The following ZBTB8OS variants were observed in gnomAD, a reference collection of about 807,000 sequenced individuals.
ZBTB8OS encodes tRNA-splicing ligase-activating factor archease.
Under a neutral mutation model 29.3 loss-of-function variants are expected in ZBTB8OS, and 16 were observed. The observed-to-expected ratio is 0.55, with a 90% confidence interval of 0.37 to 0.83. ZBTB8OS has a LOEUF of 0.83. Among genes scored for constraint, ZBTB8OS ranks in the 40% least tolerant of loss-of-function variants. The pLI is 0.00. For synonymous variants in ZBTB8OS, 70 were observed against 64.6 expected, an observed-to-expected ratio of 1.08 and a Z score of -0.40; for missense variants, 160 against 196.9, an observed-to-expected ratio of 0.81 and a Z score of 1.12.
At chr1:32,629,749 CTTT>C (rs869185319) in intron 5 of ZBTB8OS, among the ~76,000 whole-genome samples, 9,378 of 113,794 alleles carry the variant, frequency 0.082, 651 homozygotes, top group African/African-American at 0.29. Flanking sequence ...ATGCTTGTTT[CTTT>C]TTTTTTTTTT....
chr1:32,648,986 T>TTTA (rs1647068067), intron 1 of ZBTB8OS, among the ~76,000 whole-genome samples: 1 of 81,448 alleles, frequency 1.2e-5, no homozygotes, highest in Admixed American at 1.3e-4. Flanking sequence ...TTTTTTTTTT[T>TTTA]GAGACAGTCT....
Position 32,633,635 on chromosome 1 carries a change from C to A in ZBTB8OS, c.327+10G>T. ...CATTTGCTCAGTAAAAAAGAAAAACCTTTGCTTACCCGGGGTATGAAGAAT... is the reference window on the plus strand; with the variant it reads ...CATTTGCTCAGTAAAAAAGAAAAACATTTGCTTACCCGGGGTATGAAGAAT... On this transcript the variant is annotated intron_variant, in intron 4 of 6. Coordinates refer to ENST00000468695, the MANE Select transcript of ZBTB8OS (RefSeq NM_178547.5). 2 of 1,584,546 alleles carry A rather than the reference C, an allele frequency of 1.3e-6. No individual in the cohort carries two copies. The highest frequency in any genetic ancestry group is 2.7e-5 in the African/African-American group (2 of 73,086).
intron 6 of ZBTB8OS, among the ~76,000 whole-genome samples, chr1:32,622,230 T>G (rs955035555): frequency 6.6e-6 from 1 of 152,162 alleles, no homozygotes; most frequent in Non-Finnish European, 1.5e-5. Flanking sequence ...CATCAGTTTT[T>G]CATTTATAAA....
At chr1:32,641,729 T>C (rs1331906090) in intron 1 of ZBTB8OS, among the ~76,000 whole-genome samples, 4 of 148,012 alleles carry the variant, frequency 2.7e-5, no homozygotes, top group Admixed American at 6.7e-5. Flanking sequence ...CTGGCTAACA[T>C]GGTGAAACCC....
In ZBTB8OS at chr1:32,650,257, C is replaced by T. The variant is rs570165148; in HGVS notation, c.97+176G>A. The stretch of plus-strand genomic sequence containing the variant: ...GTTTCGCGACTATTAAACCAGGTGG[C>T]TTTTTCCTTCAGCATCCCCAGGAGA... On this transcript the variant is annotated intron_variant, in intron 1 of 6. Coordinates refer to ENST00000468695, the MANE Select transcript of ZBTB8OS (RefSeq NM_178547.5). 6.2e-6 allele frequency: 5 copies of T among 807,120 alleles called. No homozygotes were observed. The African/African-American group carries it at 8.7e-5, about 14-fold the overall frequency. The allele number at this position is 807,120 out of a possible 1,614,324, so 50.0% of individuals were successfully genotyped here.
At chr1:32,629,880 G>C (rs968572201) in intron 5 of ZBTB8OS, among the ~76,000 whole-genome samples, 8 of 151,162 alleles carry the variant, frequency 5.3e-5, no homozygotes, top group African/African-American at 1.9e-4. Context: ...AGCCTCCTGA[G>C]TAGTTCAGAT....
rs79365865 is a variant in ZBTB8OS at position 32,634,827 on chromosome 1, T to C, written c.98-35A>G. 937 of 1,348,978 alleles carry C rather than the reference T, an allele frequency of 6.9e-4. 8 individuals carry two copies. The African/African-American group carries it at 0.012, about 18-fold the overall frequency. 83.6% of individuals were successfully genotyped at this position (1,348,978 alleles called of 1,614,324 possible). ...AGAGGGAAAAACACTTATAAGACAC[T>C]AAACTTGACTCTCAAATCACACACA... On this transcript the variant is annotated intron_variant, in intron 1 of 6. Coordinates refer to ENST00000468695, the MANE Select transcript of ZBTB8OS (RefSeq NM_178547.5).
At chr1:32,643,315 C>T (rs1646577555) in intron 1 of ZBTB8OS, among the ~76,000 whole-genome samples, 1 of 151,918 alleles carries the variant, frequency 6.6e-6, no homozygotes, top group Non-Finnish European at 1.5e-5. Context: ...TCAGGTGATT[C>T]ACCCGCCTTG....
In ZBTB8OS at chr1:32,649,633, A is replaced by AACACAC. The variant is rs962422171; in HGVS notation, c.97+794_97+799dup. ...GACAGAGCGAGACCCCATCTCTAAA[A>AACACAC]ACACACACACACACACACACACACA... is the stretch of plus-strand genomic sequence containing the variant. On this transcript the variant is annotated intron_variant, in intron 1 of 6. Coordinates refer to ENST00000468695, the MANE Select transcript of ZBTB8OS (RefSeq NM_178547.5). Among the ~76,000 whole-genome samples, 507 of 54,112 alleles carry AACACAC rather than the reference A, an allele frequency of 9.4e-3. 7 individuals carry two copies. The highest frequency in any genetic ancestry group is 0.026 in the African/African-American group (483 of 18,704). The allele number at this position is 54,112 out of a possible 152,430, so 35.5% of individuals were successfully genotyped here. A position where few individuals can be genotyped will look rare whatever the true frequency, so the allele number is the denominator to read the frequency against.
At position 32,625,534 on chromosome 1, in the gene ZBTB8OS, A is replaced by C. The variant is rs1645063696; in HGVS notation, c.417+1974T>G. ...GGGCAATAGCATGAGACTCCGTCTC[A>C]AAAACAAAACAAAACAAAACAAAAC... On this transcript the variant is annotated intron_variant, in intron 6 of 6. Coordinates refer to ENST00000468695, the MANE Select transcript of ZBTB8OS (RefSeq NM_178547.5). Among the ~76,000 whole-genome samples the C allele has an allele frequency of 3.3e-5, 5 of 151,212 alleles. No individual in the cohort carries two copies. In the South Asian group the frequency reaches 1.0e-3, roughly 32 times the overall value.
At chr1:32,647,354 T>C (rs929032883) in intron 1 of ZBTB8OS, among the ~76,000 whole-genome samples, 2 of 150,978 alleles carry the variant, frequency 1.3e-5, no homozygotes, top group Non-Finnish European at 2.9e-5. Context: ...GAAGAATTAC[T>C]TGAACCTGGG....
At chr1:32,643,253 G>A (rs925446188) in intron 1 of ZBTB8OS, among the ~76,000 whole-genome samples, 2 of 150,746 alleles carry the variant, frequency 1.3e-5, no homozygotes, top group Non-Finnish European at 3.0e-5. Context: ...TGTATTTTTA[G>A]TAGAGACGGG....
At chr1:32,622,569 G>C (rs955004902) in intron 6 of ZBTB8OS, among the ~76,000 whole-genome samples, 1 of 152,006 alleles carries the variant, frequency 6.6e-6, no homozygotes, top group Non-Finnish European at 1.5e-5. Flanking sequence ...GGGTCTATTT[G>C]AGAGTTGGGG....
In ZBTB8OS at chr1:32,626,314, T is replaced by C. The variant is rs538515414; in HGVS notation, c.417+1194A>G. ...TTCATAGCCTAGGAGCAATAGGCTA[T>C]ACCATATAGCATAGGTTATAGCATC... On this transcript the variant is annotated intron_variant, in intron 6 of 6. Transcript: ENST00000468695. Among the ~76,000 whole-genome samples the C allele has an allele frequency of 6.6e-5, 10 of 152,350 alleles. No homozygotes were observed. In the East Asian group the frequency reaches 1.7e-3, roughly 26 times the overall value.
intron 5 of ZBTB8OS, among the ~76,000 whole-genome samples, chr1:32,630,555 A>G (rs1352495056): frequency 1.3e-5 from 2 of 151,774 alleles, no homozygotes; most frequent in Non-Finnish European, 2.9e-5. Context: ...CCTGTCTCAA[A>G]TCAATCAATC....
At position 32,650,504 on chromosome 1, in the gene ZBTB8OS, C is replaced by T. The variant is rs780589986; in HGVS notation, c.26G>A (p.Arg9Lys). MAQEEEDVRDYNLTEEQKA... is the reference protein window; with the variant it reads MAQEEEDVKDYNLTEEQKA... ...CTGTTCTTCAGTCAAATTGTAATCT[C>T]TAACATCTTCCTCTTCCTGCGCCAT... Residue 9 changes from arginine (R) to lysine (K), a missense_variant, in exon 1 of 7, where the codon AGA becomes AAA. Physicochemically the swap from Arg to Lys is conservative, Grantham distance 26. Transcript: ENST00000468695. The T allele has an allele frequency of 6.2e-7, 1 of 1,614,156 alleles. No individual in the cohort carries two copies. Among genetic ancestry groups the T allele is most frequent in the East Asian group, 2.2e-5 (1 of 44,886 alleles).
chr1:32,631,721 A>G (rs1166170386), intron 5 of ZBTB8OS, 106 bp downstream of exon 5: 3 of 806,710 alleles, frequency 3.7e-6, no homozygotes, highest in Non-Finnish European at 6.0e-6. Flanking sequence ...ACAAAACTCA[A>G]TCTGCAAGTG....
chr1:32,630,573 CAAATTAAATT>C (rs1441404704), intron 5 of ZBTB8OS, among the ~76,000 whole-genome samples: 1 of 151,112 alleles, frequency 6.6e-6, no homozygotes, highest in African/African-American at 2.4e-5. Context: ...ATCAATCAAT[CAAATTAAATT>C]AAATTAAATG....
chr1:32,643,488 G>A (rs1646594940), intron 1 of ZBTB8OS, among the ~76,000 whole-genome samples: 1 of 151,802 alleles, frequency 6.6e-6, no homozygotes. Context: ...GACCTCCTGG[G>A]CTCAAGAGAT....
Sources: gnomAD v4.1 joint callset for allele counts (sites outside exome capture counted in the v4.1 genomes callset) on GRCh38, gnomAD v4.1.1 for gene constraint, MANE v1.5 for transcripts, NCBI Gene and HGNC (gene_info 2026-07-23, HGNC 2026-07-21) for gene names.